The following PCDHGA4 variants were observed in gnomAD, a reference collection of about 807,000 sequenced individuals.
PCDHGA4 encodes protocadherin gamma subfamily A, 4, also known as protocadherin gamma-A4.
PCDHGA4 carries 38 observed loss-of-function variants against 54.6 expected under a neutral mutation model. That is an observed-to-expected ratio of 0.70 (90% CI 0.54 to 0.91). PCDHGA4 has a LOEUF of 0.91. Among genes scored for constraint, PCDHGA4 ranks in the 40% least tolerant of loss-of-function variants. PCDHGA4 has a pLI of 0.00. For synonymous variants in PCDHGA4, 511 were observed against 512.9 expected, an observed-to-expected ratio of 1.00 and a Z score of 0.05; for missense variants, 1,298 against 1,220.9, an observed-to-expected ratio of 1.06 and a Z score of -0.94.
intron 1 of PCDHGA4, chr5:141,414,562 A>G (rs770740530): frequency 3.1e-6 from 5 of 1,613,924 alleles, no homozygotes; most frequent in Non-Finnish European, 4.2e-6. Context: ...CTCCTACTTT[A>G]CCTATATCCC....
rs1412265811 is a variant in PCDHGA4, at chr5:141,461,565, A to G, written c.2515-33242A>G. Among the ~76,000 whole-genome samples the G allele has an allele frequency of 2.6e-5, 4 of 152,178 alleles. No individual in the cohort carries two copies. The East Asian group carries it at 7.7e-4, about 29-fold the overall frequency. On this transcript the variant is annotated intron_variant, in intron 1 of 3. Coordinates refer to ENST00000571252, the MANE Select transcript of PCDHGA4 (RefSeq NM_018917.4). ...CCTTTGTCAGATGTGTACTTTGCAA[A>G]GATAATATTTTGGATGTTATATTTC...
intron 1 of PCDHGA4, chr5:141,478,600 C>T (rs762531135): frequency 6.4e-7 from 1 of 1,565,134 alleles, no homozygotes. Context: ...ATTCCTACAT[C>T]ATATTGAGGA....
At chr5:141,414,422 G>T (rs369608304) in intron 1 of PCDHGA4, 1 of 1,613,866 alleles carries the variant, frequency 6.2e-7, no homozygotes, top group Non-Finnish European at 8.5e-7. Context: ...GCCCTTGACA[G>T]GGAACAGGTA....
In PCDHGA4 at chr5:141,423,069, G is replaced by A. The variant is rs1364397726; in HGVS notation, c.2514+65448G>A. ...CCTATCGCCTGCTTAAGGCCAGCGA[G>A]CCGGGACTCTTCGCGGTGGGGGAGC... On this transcript the variant is annotated intron_variant, in intron 1 of 3. Transcript: ENST00000571252. 8 of 1,614,034 alleles carry A rather than the reference G, an allele frequency of 5.0e-6. No homozygotes were observed. In the African/African-American group the frequency reaches 1.1e-4, roughly 22 times the overall value.
Position 141,476,374 on chromosome 5 carries a change from G to A in PCDHGA4, c.2515-18433G>A. 1.2e-6 allele frequency: 2 copies of A among 1,614,178 alleles called. No individual in the cohort carries two copies. Among genetic ancestry groups the A allele is most frequent in the Non-Finnish European group, 1.7e-6 (2 of 1,180,044 alleles). On this transcript the variant is annotated intron_variant, in intron 1 of 3. Transcript: ENST00000571252. This position sits in a 1 kb window ranked among gnomAD's most constrained non-coding sequence, Gnocchi z 7.6. ...AGGTGAACCGGGAGACCGGAGAGATGTTTGTGAACGACCGTCTGGATCGAG... is the reference window on the plus strand; with the variant it reads ...AGGTGAACCGGGAGACCGGAGAGATATTTGTGAACGACCGTCTGGATCGAG...
At chr5:141,389,133 A>G (rs1239484034) in intron 1 of PCDHGA4, 18 of 1,613,928 alleles carry the variant, frequency 1.1e-5, no homozygotes, top group Admixed American at 5.0e-5. Flanking sequence ...TCCAGAGTAC[A>G]ATATAACCGT....
chr5:141,487,590 C>G lies in PCDHGA4; in HGVS notation c.2515-7217C>G. 1 of 1,614,160 alleles carries G rather than the reference C, an allele frequency of 6.2e-7. No homozygotes were observed. Among genetic ancestry groups the G allele is most frequent in the Non-Finnish European group, 8.5e-7 (1 of 1,180,040 alleles). ...GAGCCTGTTCGCCCAAGCTGCCCACCCTCTGATCTTCTCTATGGGCTAGAG... is the reference window on the plus strand; with the variant it reads ...GAGCCTGTTCGCCCAAGCTGCCCACGCTCTGATCTTCTCTATGGGCTAGAG... On this transcript the variant is annotated intron_variant, in intron 1 of 3. Transcript: ENST00000571252. The surrounding 1 kb of genome is among the most constrained non-coding windows in gnomAD (Gnocchi z 5.0).
At chr5:141,364,629 C>T in intron 1 of PCDHGA4, 2 of 1,614,142 alleles carry the variant, frequency 1.2e-6, no homozygotes, top group African/African-American at 1.3e-5. Context: ...GCTCAGAGCC[C>T]ACTGTGTGTG....
chr5:141,490,488 C>A lies in PCDHGA4; in HGVS notation c.2515-4319C>A, dbSNP rs142637733. 6.2e-7 allele frequency: 1 copy of A among 1,614,018 alleles called. No homozygotes were observed. Among genetic ancestry groups the A allele is most frequent in the African/African-American group, 1.3e-5 (1 of 74,904 alleles). ...CCAGCCAGCCTTTGGACCGGGAGGC[C>A]ACATCCCACTATATCATCGAGCTGC... On this transcript the variant is annotated intron_variant, in intron 1 of 3. Coordinates refer to ENST00000571252, the MANE Select transcript of PCDHGA4 (RefSeq NM_018917.4). The surrounding 1 kb of genome is among the most constrained non-coding windows in gnomAD (Gnocchi z 5.4).
Position 141,494,770 on chromosome 5 carries a change from C to T in PCDHGA4, c.2515-37C>T, listed in dbSNP as rs767006872. 43 of 1,614,022 alleles carry T rather than the reference C, an allele frequency of 2.7e-5. No homozygotes were observed. In the East Asian group the frequency reaches 7.6e-4, roughly 28 times the overall value. On this transcript the variant is annotated intron_variant, in intron 1 of 3. Coordinates refer to ENST00000571252, the MANE Select transcript of PCDHGA4 (RefSeq NM_018917.4). ...GCTCGGGTGACATTCTAACTTCTCA[C>T]GGGTACTCAGCCCCTTTCCCTCTGT...
At chr5:141,398,254 A>C (rs868152545) in intron 1 of PCDHGA4, 1 of 1,465,852 alleles carries the variant, frequency 6.8e-7, no homozygotes, top group East Asian at 2.5e-5. Context: ...GGAAATGCCC[A>C]AGGGCTCCGT....
chr5:141,495,721 G>A (rs2099763243), intron 2 of PCDHGA4, among the ~76,000 whole-genome samples: 1 of 152,100 alleles, frequency 6.6e-6, no homozygotes, highest in Non-Finnish European at 1.5e-5. Context: ...TAACTACACG[G>A]GACCCTTAGT....
At chr5:141,427,957 C>A in intron 1 of PCDHGA4, 2 of 1,588,400 alleles carry the variant, frequency 1.3e-6, no homozygotes, top group Non-Finnish European at 1.7e-6. Flanking sequence ...GACAATGTGC[C>A]GCGGGTGCTG....
chr5:141,401,096 C>A (rs1193628525), intron 1 of PCDHGA4, among the ~76,000 whole-genome samples: 1 of 152,160 alleles, frequency 6.6e-6, no homozygotes, highest in Non-Finnish European at 1.5e-5. Context: ...GTAATCCCAG[C>A]ACTTTGGGAG....
intron 1 of PCDHGA4, chr5:141,422,849 C>A: frequency 1.2e-6 from 2 of 1,614,238 alleles, no homozygotes; most frequent in Non-Finnish European, 8.5e-7. Context: ...AGCGGGGACC[C>A]GCCCCTCAGC....
chr5:141,432,864 G>A lies in PCDHGA4; in HGVS notation c.2515-61943G>A. On this transcript the variant is annotated intron_variant, in intron 1 of 3. Coordinates refer to ENST00000571252, the MANE Select transcript of PCDHGA4 (RefSeq NM_018917.4). The surrounding 1 kb of genome is among the most constrained non-coding windows in gnomAD (Gnocchi z 6.0). ...GTGGTAGCGGTGGCCGCGGTCTCCT[G>A]CGTCTTCCTGGCCTTCGTCATCTTG... 6.2e-7 allele frequency: 1 copy of A among 1,614,168 alleles called. No individual in the cohort carries two copies. Among genetic ancestry groups the A allele is most frequent in the South Asian group, 1.1e-5 (1 of 91,084 alleles).
intron 1 of PCDHGA4, chr5:141,399,958 G>C: frequency 1.2e-6 from 2 of 1,612,122 alleles, no homozygotes; most frequent in Middle Eastern, 3.8e-4. Context: ...TAGCGAGCCC[G>C]GGCTCTTCAG....
At chr5:141,364,846 C>G (rs558676002) in intron 1 of PCDHGA4, 1 of 1,613,994 alleles carries the variant, frequency 6.2e-7, no homozygotes, top group South Asian at 1.1e-5. Context: ...GTTACCAGCT[C>G]AGCTCCAATC....
intron 1 of PCDHGA4, chr5:141,478,545 A>T: frequency 6.2e-7 from 1 of 1,605,606 alleles, no homozygotes; most frequent in Admixed American, 1.7e-5. Context: ...CCTCCCGGAC[A>T]GGTAAGGTTT....
Sources: allele counts gnomAD v4.1 joint callset (sites outside exome capture counted in the v4.1 genomes callset), GRCh38; gene constraint gnomAD v4.1.1; non-coding constraint Gnocchi (gnomAD v3.1); transcripts MANE v1.5; gene names NCBI Gene and HGNC (gene_info 2026-07-23, HGNC 2026-07-21).